Variants in DTNB observed in about 807,000 individuals in gnomAD.
DTNB encodes the protein dystrobrevin beta, also known as DTN-B.
DTNB carries 63 observed loss-of-function variants against 90.7 expected under a neutral mutation model. That is an observed-to-expected ratio of 0.69 (90% CI 0.57 to 0.86). The LOEUF (loss-of-function observed/expected upper bound fraction) is 0.86, where lower values mean the gene tolerates loss of function less well. DTNB is among the 40% of genes least tolerant of loss of function. The probability of loss-of-function intolerance (pLI) is 0.00; values close to 1 mark genes in which losing one functional copy is unlikely to be tolerated. For missense variants in DTNB, 744 were observed against 807.1 expected (o/e 0.92, Z 0.95); for synonymous variants, 277 against 286.7 (o/e 0.97, Z 0.34).
intron 14 of DTNB, 45 bp downstream of exon 14, chr2:25,432,841 C>G: frequency 6.5e-7 from 1 of 1,542,282 alleles, no homozygotes; most frequent in Admixed American, 1.9e-5. Flanking sequence ...TAAGTTCCAT[C>G]CATAGTAGAT....
intron 4 of DTNB, among the ~76,000 whole-genome samples, chr2:25,615,777 C>G (rs1193189179): frequency 6.6e-6 from 1 of 152,140 alleles, no homozygotes; most frequent in Non-Finnish European, 1.5e-5. Flanking sequence ...ATTGAATTCA[C>G]AAAAGGGTAT....
chr2:25,546,390 T>C (rs2082415966), intron 8 of DTNB, among the ~76,000 whole-genome samples: 1 of 152,236 alleles, frequency 6.6e-6, no homozygotes, highest in Non-Finnish European at 1.5e-5. Flanking sequence ...CTGGTAGATT[T>C]TGTAAGTTTT....
At chr2:25,393,462 T>C (rs530259289) in intron 16 of DTNB, among the ~76,000 whole-genome samples, 156 of 152,296 alleles carry the variant, frequency 1.0e-3, no homozygotes, top group Non-Finnish European at 2.1e-3. Flanking sequence ...GCTGATTATA[T>C]GATTGTATAC....
intron 14 of DTNB, among the ~76,000 whole-genome samples, chr2:25,431,156 C>G (rs542277957): frequency 6.6e-6 from 1 of 151,968 alleles, no homozygotes; most frequent in African/African-American, 2.4e-5. Flanking sequence ...TTCTGAGATA[C>G]TACTTTCTAT....
intron 1 of DTNB, among the ~76,000 whole-genome samples, chr2:25,662,681 A>ACACACAC (rs35419647): frequency 7.7e-5 from 8 of 104,528 alleles, no homozygotes; most frequent in South Asian, 3.2e-4. Context: ...CACACACACA[A>ACACACAC]ACACACACAC....
At chr2:25,593,598 G>A (rs952513302) in intron 6 of DTNB, among the ~76,000 whole-genome samples, 2 of 151,850 alleles carry the variant, frequency 1.3e-5, no homozygotes, top group Non-Finnish European at 2.9e-5. Context: ...TTTTTTTACA[G>A]GAATATGAAT....
At position 25,408,535 on chromosome 2, in the gene DTNB, T is replaced by A. The variant is rs547566495; in HGVS notation, c.1575+10980A>T. ...GCCTGGACACCAGAGTGAGACTCCA[T>A]CTCAAAAAAAAAAAAAAAAAAAAAA... On this transcript the variant is annotated intron_variant, in intron 16 of 20. Coordinates refer to ENST00000406818, the MANE Select transcript of DTNB (RefSeq NM_021907.5). Among the ~76,000 whole-genome samples the A allele has an allele frequency of 3.0e-3, 221 of 72,522 alleles. 2 individuals are homozygous for A. Among genetic ancestry groups the A allele is most frequent in the Middle Eastern group, 0.022 (2 of 90 alleles). 47.6% of individuals were successfully genotyped at this position (72,522 alleles called of 152,430 possible).
At chr2:25,448,703 A>C (rs1009594217) in intron 12 of DTNB, among the ~76,000 whole-genome samples, 1 of 151,996 alleles carries the variant, frequency 6.6e-6, no homozygotes, top group African/African-American at 2.4e-5. Flanking sequence ...AAATACAAAA[A>C]ATTAGCCGGG....
At chr2:25,585,703 G>C (rs2062268330) in intron 6 of DTNB, among the ~76,000 whole-genome samples, 1 of 152,146 alleles carries the variant, frequency 6.6e-6, no homozygotes, top group Non-Finnish European at 1.5e-5. Flanking sequence ...TTTACCCATT[G>C]CCTTATCATT....
intron 9 of DTNB, among the ~76,000 whole-genome samples, chr2:25,520,291 G>A (rs2075919136): frequency 6.6e-6 from 1 of 152,180 alleles, no homozygotes; most frequent in South Asian, 2.1e-4. Context: ...AGAACTGTTT[G>A]AATCCGGGAG....
At chr2:25,534,582 G>A (rs1229699561) in intron 8 of DTNB, among the ~76,000 whole-genome samples, 2 of 148,908 alleles carry the variant, frequency 1.3e-5, no homozygotes, top group Non-Finnish European at 3.0e-5. Context: ...TCACTTCCCA[G>A]ACGGGGCGGC....
chr2:25,434,879 TTTAC>T (rs573470939), intron 12 of DTNB, among the ~76,000 whole-genome samples: 5 of 152,316 alleles, frequency 3.3e-5, no homozygotes, highest in African/African-American at 1.2e-4. Flanking sequence ...TGTTGTTTTA[TTTAC>T]TTTTTATTTT....
chr2:25,670,032 CTG>C (rs1316136559), intron 1 of DTNB, among the ~76,000 whole-genome samples: 1 of 152,176 alleles, frequency 6.6e-6, no homozygotes, highest in African/African-American at 2.4e-5. Context: ...GACCCAGCAA[CTG>C]TAGTTTTTCA....
In DTNB at chr2:25,583,678, C is replaced by T. The variant is rs181835021; in HGVS notation, c.604-2852G>A. On this transcript the variant is annotated intron_variant, in intron 6 of 20. Transcript: ENST00000406818. ...CTGGGATTACAGGCATGCGCCACCACGCCCAGCTAATTTTTGTATTTTTAG... is the reference window on the plus strand; with the variant it reads ...CTGGGATTACAGGCATGCGCCACCATGCCCAGCTAATTTTTGTATTTTTAG... 3.2e-3 allele frequency among the ~76,000 whole-genome samples: 492 copies of T among 152,122 alleles called. 3 individuals are homozygous for T. The highest frequency in any genetic ancestry group is 0.011 in the African/African-American group (467 of 41,512).
chr2:25,467,390 C>T (rs1223101172), intron 10 of DTNB, among the ~76,000 whole-genome samples: 2 of 150,714 alleles, frequency 1.3e-5, no homozygotes, highest in African/African-American at 4.9e-5. Flanking sequence ...CCTCAAACTC[C>T]TGGGCTCAAG....
At chr2:25,507,812 C>T (rs892168401) in intron 9 of DTNB, among the ~76,000 whole-genome samples, 3 of 152,216 alleles carry the variant, frequency 2.0e-5, no homozygotes, top group Admixed American at 6.5e-5. Flanking sequence ...ATCTAGCCCT[C>T]ATAATATCTT....
chr2:25,605,593 T>A (rs1441467992), intron 5 of DTNB, among the ~76,000 whole-genome samples: 1 of 152,254 alleles, frequency 6.6e-6, no homozygotes, highest in African/African-American at 2.4e-5. Flanking sequence ...GCTGGCTCTA[T>A]GTAAATATAG....
chr2:25,631,573 CA>C (rs762603520), intron 3 of DTNB, among the ~76,000 whole-genome samples: 2,026 of 85,882 alleles, frequency 0.024, 19 homozygotes, highest in Non-Finnish European at 0.034. Flanking sequence ...ACCCTGTGGT[CA>C]AAAAAAAAAA....
chr2:25,473,112 T>C (rs754135168), intron 10 of DTNB, among the ~76,000 whole-genome samples: 2 of 152,094 alleles, frequency 1.3e-5, no homozygotes, highest in Non-Finnish European at 2.9e-5. Context: ...AAAGACTAAA[T>C]TGGGGGTAAA....
Sources: allele counts gnomAD v4.1 joint callset (sites outside exome capture counted in the v4.1 genomes callset), GRCh38; gene constraint gnomAD v4.1.1; transcripts MANE v1.5; gene names NCBI Gene and HGNC (gene_info 2026-07-23, HGNC 2026-07-21).